Variants in RAP1GAP2 observed in about 807,000 individuals in gnomAD.
RAP1GAP2 encodes RAP1 GTPase activating protein 2.
RAP1GAP2 carries 27 observed loss-of-function variants against 95.0 expected under a neutral mutation model. That is an observed-to-expected ratio of 0.28 (90% CI 0.21 to 0.39). The LOEUF (loss-of-function observed/expected upper bound fraction) is 0.39, where lower values mean the gene tolerates loss of function less well. Ranked by LOEUF, RAP1GAP2 falls within the 10% of genes least tolerant of loss-of-function variation. The pLI, the probability that RAP1GAP2 is intolerant of heterozygous loss-of-function variation, is 1.00. For synonymous variants in RAP1GAP2, 373 were observed against 380.9 expected, an observed-to-expected ratio of 0.98 and a Z score of 0.24; for missense variants, 771 against 970.0, an observed-to-expected ratio of 0.79 and a Z score of 2.72.
chr17:2,967,857 T>G (rs1429367590), intron 8 of RAP1GAP2, among the ~76,000 whole-genome samples: 3 of 152,186 alleles, frequency 2.0e-5, no homozygotes, highest in African/African-American at 7.2e-5. Flanking sequence ...GTCCCAAATT[T>G]ATAACAAGCA....
upstream of RAP1GAP2, among the ~76,000 whole-genome samples, chr17:2,794,640 A>G (rs1348074444): frequency 6.6e-6 from 1 of 152,166 alleles, no homozygotes; most frequent in Non-Finnish European, 1.5e-5. Context: ...AGGACCCTGA[A>G]GCTGCTCCCC....
rs575348770 is a variant in RAP1GAP2 at position 2,922,840 on chromosome 17, T to G, written c.165+17472T>G. 2.6e-5 allele frequency among the ~76,000 whole-genome samples: 4 copies of G among 150,960 alleles called. 1 individual carries two copies. The highest frequency in any genetic ancestry group is 6.6e-5 in the Admixed American group (1 of 15,130). ...ATTTTCTTTTTGTTTTTGTTTTTTT[T>G]TTTTTTTTTGAGACAGAAATTCGCT... is the stretch of plus-strand genomic sequence containing the variant. On this transcript the variant is annotated intron_variant, in intron 3 of 24. Transcript: ENST00000254695.
intron 3 of RAP1GAP2, among the ~76,000 whole-genome samples, chr17:2,947,727 C>T (rs2043756202): frequency 6.6e-6 from 1 of 152,022 alleles, no homozygotes; most frequent in Non-Finnish European, 1.5e-5. Flanking sequence ...CGGAGTCGGG[C>T]AGTGTGGCGT....
chr17:2,885,400 A>C (rs931819336), intron 2 of RAP1GAP2, among the ~76,000 whole-genome samples: 10 of 152,188 alleles, frequency 6.6e-5, no homozygotes, highest in Non-Finnish European at 1.3e-4. Flanking sequence ...GCACTGATGC[A>C]ACAGAGCCCC....
chr17:2,843,419 G>A (rs910103559), intron 2 of RAP1GAP2, among the ~76,000 whole-genome samples: 3 of 151,932 alleles, frequency 2.0e-5, no homozygotes, highest in African/African-American at 7.3e-5. Context: ...TTGAGTAGCT[G>A]GGATTACAGG....
chr17:2,878,159 C>T (rs910104169), intron 2 of RAP1GAP2, among the ~76,000 whole-genome samples: 34 of 152,008 alleles, frequency 2.2e-4, no homozygotes, highest in East Asian at 1.9e-4. Flanking sequence ...TGTTGCCGGC[C>T]GGGGACACAC....
chr17:2,985,391 A>G (rs1255076040), intron 11 of RAP1GAP2, among the ~76,000 whole-genome samples: 3 of 151,968 alleles, frequency 2.0e-5, no homozygotes, highest in East Asian at 1.9e-4. Flanking sequence ...GGAATGGAGG[A>G]GCATAGGCTG....
At chr17:2,951,227 G>T (rs1211783201) in intron 3 of RAP1GAP2, among the ~76,000 whole-genome samples, 1 of 152,232 alleles carries the variant, frequency 6.6e-6, no homozygotes, top group Non-Finnish European at 1.5e-5. Flanking sequence ...CACTGACTGT[G>T]TGCCGAGCTG....
intron 13 of RAP1GAP2, among the ~76,000 whole-genome samples, chr17:2,995,691 G>A (rs1333536974): frequency 6.6e-6 from 1 of 152,268 alleles, no homozygotes; most frequent in Admixed American, 6.5e-5. Flanking sequence ...CACCTCAGGG[G>A]CCCTGGGCGG....
At chr17:2,982,460 G>T (rs2045401704) in intron 10 of RAP1GAP2, among the ~76,000 whole-genome samples, 1 of 152,190 alleles carries the variant, frequency 6.6e-6, no homozygotes, top group Admixed American at 6.5e-5. Flanking sequence ...TCAGTGTTCA[G>T]GATTGGGCAT....
chr17:3,035,876 T>G lies in RAP1GAP2; in HGVS notation c.*2515T>G, dbSNP rs577644941. The G allele has an allele frequency of 6.6e-6, 1 of 152,356 alleles. No individual in the cohort carries two copies. Among genetic ancestry groups the G allele is most frequent in the Admixed American group, 6.5e-5 (1 of 15,304 alleles). The allele number at this position is 152,356 out of a possible 1,614,324, so 9.4% of individuals were successfully genotyped here. A position where few individuals can be genotyped will look rare whatever the true frequency, so the allele number is the denominator to read the frequency against. ...TTTATGCTGCGCCCAGTCTTGGGGCTCAAAGATTTGCCCAAACCTCATTGG... is the reference window on the plus strand; with the variant it reads ...TTTATGCTGCGCCCAGTCTTGGGGCGCAAAGATTTGCCCAAACCTCATTGG... On this transcript the variant is annotated 3_prime_UTR_variant, in exon 25 of 25. Coordinates refer to ENST00000254695, the MANE Select transcript of RAP1GAP2 (RefSeq NM_015085.5). This position sits in a 1 kb window ranked among gnomAD's most constrained non-coding sequence, Gnocchi z 4.3.
chr17:2,915,457 A>G (rs2042540624), intron 3 of RAP1GAP2, among the ~76,000 whole-genome samples: 1 of 150,754 alleles, frequency 6.6e-6, no homozygotes, highest in Non-Finnish European at 1.5e-5. Context: ...CTGGTCTTGA[A>G]CTCCTGAGCT....
chr17:2,775,542 G>A (rs1362022258), upstream of RAP1GAP2, among the ~76,000 whole-genome samples: 1 of 151,980 alleles, frequency 6.6e-6, no homozygotes, highest in Non-Finnish European at 1.5e-5. Flanking sequence ...GGAGCAGCAA[G>A]TGCAAGGCTG....
At chr17:2,820,576 C>T in intron 2 of RAP1GAP2, among the ~76,000 whole-genome samples, 1 of 145,470 alleles carries the variant, frequency 6.9e-6, no homozygotes, top group Non-Finnish European at 1.5e-5. Flanking sequence ...GCTGAGATCT[C>T]ATCACTGCAC....
At chr17:2,995,604 T>A in intron 13 of RAP1GAP2, 138 bp downstream of exon 13, 1 of 1,228,814 alleles carries the variant, frequency 8.1e-7, no homozygotes, top group East Asian at 2.6e-5. Flanking sequence ...CGCAGCAGCG[T>A]CACAGTCCGT....
At chr17:2,824,042 G>C (rs1461166706) in intron 2 of RAP1GAP2, among the ~76,000 whole-genome samples, 1 of 149,788 alleles carries the variant, frequency 6.7e-6, no homozygotes, top group East Asian at 2.0e-4. Context: ...AGAATGGCGT[G>C]AACCCGGGAG....
At chr17:2,945,833 A>T (rs2043679660) in intron 3 of RAP1GAP2, among the ~76,000 whole-genome samples, 2 of 151,062 alleles carry the variant, frequency 1.3e-5, no homozygotes, top group Admixed American at 1.3e-4. Context: ...TCTTTCGCCC[A>T]GGCTGGAGTA....
rs551658552 is a variant in RAP1GAP2 at position 2,891,148 on chromosome 17, C to CT, written c.81-14126dup. Among the ~76,000 whole-genome samples, 1,332 of 147,364 alleles carry CT rather than the reference C, an allele frequency of 9.0e-3. 14 individuals are homozygous for CT. Among genetic ancestry groups the CT allele is most frequent in the Non-Finnish European group, 0.014 (939 of 66,506 alleles). ...TTTCTATGGACCTATCTTTCTTTTTCTTTTTTTTTTAATTTTTGAGACAGG... is the reference window on the plus strand; with the variant it reads ...TTTCTATGGACCTATCTTTCTTTTTCTTTTTTTTTTTAATTTTTGAGACAGG... On this transcript the variant is annotated intron_variant, in intron 2 of 24. Coordinates refer to ENST00000254695, the MANE Select transcript of RAP1GAP2 (RefSeq NM_015085.5).
chr17:2,874,691 A>C (rs976056027), intron 2 of RAP1GAP2, among the ~76,000 whole-genome samples: 1 of 152,154 alleles, frequency 6.6e-6, no homozygotes, highest in Non-Finnish European at 1.5e-5. Flanking sequence ...CACCCATGGA[A>C]ACAAAGGAGC....
Sources: allele counts gnomAD v4.1 joint callset (sites outside exome capture counted in the v4.1 genomes callset), GRCh38; gene constraint gnomAD v4.1.1; non-coding constraint Gnocchi (gnomAD v3.1); transcripts MANE v1.5; gene names NCBI Gene and HGNC (gene_info 2026-07-23, HGNC 2026-07-21).